Variants in ALDH1A3 observed in about 807,000 individuals in gnomAD.
ALDH1A3 encodes aldehyde dehydrogenase 1 family member A3.
A neutral mutation model predicts 57.5 loss-of-function variants in ALDH1A3; 28 were observed. The ratio of observed to expected loss-of-function variants is 0.49; its 90% CI spans 0.36 to 0.67. ALDH1A3 has a LOEUF of 0.67. ALDH1A3 is among the 30% of genes least tolerant of loss of function. The pLI, the probability that ALDH1A3 is intolerant of heterozygous loss-of-function variation, is 0.00. For synonymous variants in ALDH1A3, 281 were observed against 264.8 expected (o/e 1.06, Z -0.59); for missense variants, 507 against 669.4 (o/e 0.76, Z 2.68).
chr15:100,892,697 T>G, intron 4 of ALDH1A3, 58 bp downstream of exon 4: 1 of 1,553,552 alleles, frequency 6.4e-7, no homozygotes, highest in Middle Eastern at 2.2e-4. Context: ...ATCTTTTCAT[T>G]AATCCAGAGC....
intron 12 of ALDH1A3, among the ~76,000 whole-genome samples, chr15:100,911,905 G>C (rs2041886422): frequency 1.3e-5 from 2 of 152,198 alleles, no homozygotes; most frequent in Admixed American, 6.5e-5. Flanking sequence ...TTACTAACTT[G>C]ATAAATAATT....
chr15:100,889,296 CT>C lies in ALDH1A3; in HGVS notation c.345+1585del, dbSNP rs2041626243. On this transcript the variant is annotated intron_variant, in intron 3 of 12. Coordinates refer to ENST00000329841, the MANE Select transcript of ALDH1A3 (RefSeq NM_000693.4). This position sits in a 1 kb window ranked among gnomAD's most constrained non-coding sequence, Gnocchi z 5.1. ...CAGGACACGGAAATTGCTGTTGCCC[CT>C]GAATGTGTTTCTCAGGGTGGAGGAA... Among the ~76,000 whole-genome samples the C allele has an allele frequency of 1.3e-5, 2 of 152,188 alleles. No individual in the cohort carries two copies. Among genetic ancestry groups the C allele is most frequent in the Admixed American group, 6.5e-5 (1 of 15,276 alleles).
intron 3 of ALDH1A3, chr15:100,888,729 A>T (rs2041620828): frequency 6.6e-6 from 1 of 152,180 alleles, no homozygotes; most frequent in South Asian, 2.1e-4. Context: ...AACCTCTCTG[A>T]GATTTATTTC....
At chr15:100,895,836 TG>T in intron 6 of ALDH1A3, 96 bp from the exon 7 acceptor site, 1 of 1,069,882 alleles carries the variant, frequency 9.3e-7, no homozygotes, top group Non-Finnish European at 1.4e-6. Flanking sequence ...GGGTTCCCTG[TG>T]GGGATGTGAG....
rs528253891 is a variant in ALDH1A3, at chr15:100,885,156, G to A, written c.100-111G>A. 125 of 746,246 alleles carry A rather than the reference G, an allele frequency of 1.7e-4. No individual in the cohort carries two copies. The African/African-American group carries it at 2.1e-3, about 13-fold the overall frequency. 46.2% of individuals were successfully genotyped at this position (746,246 alleles called of 1,614,324 possible). On this transcript the variant is annotated intron_variant, in intron 1 of 12. Transcript: ENST00000329841. ...AGATGTCGAAGGGGAGAGGGAAGCAGCAGAGAGGAAGGTGGACAAGATGGA... is the reference window on the plus strand; with the variant it reads ...AGATGTCGAAGGGGAGAGGGAAGCAACAGAGAGGAAGGTGGACAAGATGGA...
intron 12 of ALDH1A3, among the ~76,000 whole-genome samples, chr15:100,909,430 G>A (rs574519504): frequency 2.8e-5 from 4 of 141,318 alleles, no homozygotes; most frequent in Non-Finnish European, 4.6e-5. Flanking sequence ...CACTGTGTGT[G>A]CAAACCCACT....
intron 8 of ALDH1A3, among the ~76,000 whole-genome samples, chr15:100,899,695 G>A (rs1262118524): frequency 6.6e-6 from 1 of 152,106 alleles, no homozygotes; most frequent in African/African-American, 2.4e-5. Flanking sequence ...AGGGGTCAAG[G>A]GTGCAGAGAG....
At chr15:100,909,018 G>T (rs535793478) in intron 12 of ALDH1A3, among the ~76,000 whole-genome samples, 2 of 151,804 alleles carry the variant, frequency 1.3e-5, no homozygotes, top group Admixed American at 1.3e-4. Flanking sequence ...CTCCACATGC[G>T]TGTGCAAACC....
intron 8 of ALDH1A3, 40 bp from the exon 9 acceptor site, chr15:100,900,535 C>G: frequency 6.5e-7 from 1 of 1,537,576 alleles, no homozygotes; most frequent in South Asian, 1.2e-5. Flanking sequence ...TTAATCGCTT[C>G]CTCTCGCTCT....
chr15:100,885,151 A>T, intron 1 of ALDH1A3, 116 bp from the exon 2 acceptor site: 1 of 720,774 alleles, frequency 1.4e-6, no homozygotes, highest in Non-Finnish European at 2.4e-6. Context: ...GGGGAGAGGG[A>T]AGCAGCAGAG....
In ALDH1A3 at chr15:100,907,163, G is replaced by A. The variant is rs747991447; in HGVS notation, c.1276G>A (p.Glu426Lys). ...VQPILKFKSI[E>K]EVIKRANSTD... ...ACCAATACTGAAGTTCAAAAGTATC[G>A]AAGAAGTGATAAAAAGAGCGAATAG... Residue 426 changes from glutamate to lysine, a missense_variant, in exon 11 of 13, where the codon GAA (glutamate) becomes AAA (lysine). By Grantham distance (56) the Glu-to-Lys change is moderately conservative. This residue lies in a region of ALDH1A3 where 432 missense variants were observed against 608.4 expected (regional missense o/e 0.71). Coordinates refer to ENST00000329841, the MANE Select transcript of ALDH1A3 (RefSeq NM_000693.4). 8.1e-6 allele frequency: 13 copies of A among 1,614,024 alleles called. No individual in the cohort carries two copies. Among genetic ancestry groups the A allele is most frequent in the South Asian group, 4.4e-5 (4 of 91,058 alleles).
chr15:100,901,529 A>G (rs2041768738), intron 9 of ALDH1A3, among the ~76,000 whole-genome samples: 1 of 152,098 alleles, frequency 6.6e-6, no homozygotes, highest in Non-Finnish European at 1.5e-5. Flanking sequence ...CCCTACTGTG[A>G]CAGCACTGCA....
chr15:100,900,907 A>G, intron 9 of ALDH1A3, 148 bp downstream of exon 9: 1 of 902,900 alleles, frequency 1.1e-6, no homozygotes, highest in Non-Finnish European at 1.6e-6. Context: ...GAAACTGATC[A>G]GAAACACAAT....
chr15:100,886,090 C>G (rs764566911), intron 2 of ALDH1A3, among the ~76,000 whole-genome samples: 4 of 152,204 alleles, frequency 2.6e-5, no homozygotes, highest in Non-Finnish European at 2.9e-5. Flanking sequence ...TGTTCTTGGT[C>G]AGCAAACTGA....
Position 100,887,893 on chromosome 15 carries a change from C to T in ALDH1A3, c.345+181C>T, listed in dbSNP as rs1340243674. Among the ~76,000 whole-genome samples, 2 of 152,094 alleles carry T rather than the reference C, an allele frequency of 1.3e-5. No individual in the cohort carries two copies. The highest frequency in any genetic ancestry group is 4.8e-5 in the African/African-American group (2 of 41,408). On this transcript the variant is annotated intron_variant, in intron 3 of 12. Transcript: ENST00000329841. The surrounding 1 kb of genome is among the most constrained non-coding windows in gnomAD (Gnocchi z 4.6). ...GGTGTTAATGCCTCTAGACTGAATC[C>T]CTTTCATTTTGAAGTCAGACTTTTG...
intron 3 of ALDH1A3, among the ~76,000 whole-genome samples, chr15:100,888,091 A>T (rs916791082): frequency 2.0e-5 from 3 of 151,656 alleles, no homozygotes; most frequent in Non-Finnish European, 2.9e-5. Flanking sequence ...ACTTCCTTTT[A>T]TTTATTTTAT....
chr15:100,914,880 T>C lies in ALDH1A3; in HGVS notation c.*107T>C. The stretch of plus-strand genomic sequence containing the variant: ...CTGACCTTCCCGGGACACATTCTTC[T>C]GGAGGCTTTACATCTACTGGAGTTG... On this transcript the variant is annotated 3_prime_UTR_variant, in exon 13 of 13. Coordinates refer to ENST00000329841, the MANE Select transcript of ALDH1A3 (RefSeq NM_000693.4). 1 of 1,026,362 alleles carries C rather than the reference T, an allele frequency of 9.7e-7. No homozygotes were observed. The highest frequency in any genetic ancestry group is 2.2e-5 in the Admixed American group (1 of 44,810). 63.6% of individuals were successfully genotyped at this position (1,026,362 alleles called of 1,614,324 possible). A position where few individuals can be genotyped will look rare whatever the true frequency, so the allele number is the denominator to read the frequency against.
rs1306289893 is a variant in ALDH1A3, at chr15:100,879,980, C to G, written c.73C>G (p.Arg25Gly). 6.8e-7 allele frequency: 1 copy of G among 1,475,440 alleles called. No individual in the cohort carries two copies. Among genetic ancestry groups the G allele is most frequent in the Admixed American group, 2.4e-5 (1 of 42,066 alleles). The allele number at this position is 1,475,440 out of a possible 1,614,324, so 91.4% of individuals were successfully genotyped here. The change falls in exon 1 of 13, where the codon CGC (arginine) becomes GGC (glycine). Residue 25 changes from arginine to glycine, a missense_variant. Arg to Gly is a moderately radical substitution (Grantham distance 125, BLOSUM62 -2). Transcript: ENST00000329841. ...GCCGCCGGCCCTGCCGCGCCCCATC[C>G]GCAACCTGGAGGTCAAGTTCACCAA... is the stretch of plus-strand genomic sequence containing the variant. The part of the protein sequence containing the change: ...RKPPALPRPI[R>G]NLEVKFTKIF...
chr15:100,909,371 AC>A (rs2041859799), intron 12 of ALDH1A3, among the ~76,000 whole-genome samples: 1 of 144,096 alleles, frequency 6.9e-6, no homozygotes, highest in African/African-American at 2.6e-5. Flanking sequence ...GTGCATGTAA[AC>A]CCACTGCAAA....
Sources: gnomAD v4.1 joint callset for allele counts (sites outside exome capture counted in the v4.1 genomes callset) on GRCh38, gnomAD v4.1.1 for gene constraint, gnomAD v4.1.1 regional missense constraint, Gnocchi (gnomAD v3.1) non-coding constraint, MANE v1.5 for transcripts, NCBI Gene and HGNC (gene_info 2026-07-23, HGNC 2026-07-21) for gene names.